Variants in FBXL17 observed in about 807,000 individuals in gnomAD.
FBXL17 encodes F-box and leucine rich repeat protein 17.
A neutral mutation model predicts 66.2 loss-of-function variants in FBXL17; 22 were observed. That is an observed-to-expected ratio of 0.33 (90% CI 0.24 to 0.47). The LOEUF (loss-of-function observed/expected upper bound fraction) is 0.47, where lower values mean the gene tolerates loss of function less well. Ranked by LOEUF, FBXL17 falls within the 20% of genes least tolerant of loss-of-function variation. FBXL17 has a pLI of 1.00. For synonymous variants in FBXL17, 474 were observed against 400.5 expected (o/e 1.18, Z -2.19); for missense variants, 878 against 948.2 (o/e 0.93, Z 0.97).
intron 7 of FBXL17, among the ~76,000 whole-genome samples, 193 bp from the exon 8 acceptor site, chr5:107,881,372 A>AT (rs1381055166): frequency 6.6e-6 from 1 of 152,226 alleles, no homozygotes; most frequent in Non-Finnish European, 1.5e-5. Flanking sequence ...TGCAAAGTGA[A>AT]TAATCATTCC....
At chr5:107,965,949 GTT>G (rs200975379) in intron 7 of FBXL17, among the ~76,000 whole-genome samples, 1 of 151,930 alleles carries the variant, frequency 6.6e-6, no homozygotes, top group African/African-American at 2.4e-5. Flanking sequence ...TCTAGTGACA[GTT>G]TTTTTTCTAT....
chr5:108,129,719 TACCACAATAG>T (rs1750855870), intron 6 of FBXL17, among the ~76,000 whole-genome samples: 1 of 152,004 alleles, frequency 6.6e-6, no homozygotes, highest in African/African-American at 2.4e-5. Flanking sequence ...AGTAATTCAT[TACCACAATAG>T]ATTGCTAAAA....
intron 8 of FBXL17, among the ~76,000 whole-genome samples, chr5:107,876,298 C>A (rs568144893): frequency 6.6e-6 from 1 of 152,120 alleles, no homozygotes; most frequent in Non-Finnish European, 1.5e-5. Context: ...TTTAATGATA[C>A]CCCAGACGCT....
At chr5:107,894,565 A>G (rs1749311121) in intron 7 of FBXL17, among the ~76,000 whole-genome samples, 1 of 152,158 alleles carries the variant, frequency 6.6e-6, no homozygotes, top group African/African-American at 2.4e-5. Context: ...CATGTGTTCC[A>G]AACCTGACTA....
At chr5:107,900,927 A>C (rs186243946) in intron 7 of FBXL17, among the ~76,000 whole-genome samples, 15 of 152,264 alleles carry the variant, frequency 9.9e-5, no homozygotes, top group Non-Finnish European at 1.9e-4. Context: ...AGACAGTATT[A>C]CATTTCAGGG....
chr5:108,183,958 T>C (rs1753117893), intron 6 of FBXL17, among the ~76,000 whole-genome samples: 1 of 152,196 alleles, frequency 6.6e-6, no homozygotes. Context: ...ATACCCATTC[T>C]AGAGGAGTAC....
At chr5:107,866,878 T>C (rs912576022) in intron 8 of FBXL17, among the ~76,000 whole-genome samples, 3 of 152,188 alleles carry the variant, frequency 2.0e-5, no homozygotes, top group Non-Finnish European at 4.4e-5. Context: ...GTTAGTCCTA[T>C]AGGCACTGTC....
At chr5:108,211,639 T>C (rs909653166) in intron 5 of FBXL17, among the ~76,000 whole-genome samples, 14 of 152,248 alleles carry the variant, frequency 9.2e-5, no homozygotes, top group African/African-American at 3.4e-4. Context: ...TCTTTAAGAA[T>C]GTTGAATATT....
At chr5:108,281,033 C>T (rs1018378185) in intron 4 of FBXL17, among the ~76,000 whole-genome samples, 2 of 151,674 alleles carry the variant, frequency 1.3e-5, no homozygotes, top group Non-Finnish European at 3.0e-5. Flanking sequence ...ACAAATATTA[C>T]TAGACCTAAA....
intron 3 of FBXL17, among the ~76,000 whole-genome samples, chr5:108,361,416 C>T (rs1366342568): frequency 6.6e-6 from 1 of 152,068 alleles, no homozygotes; most frequent in African/African-American, 2.4e-5. Context: ...CTTAGCCATA[C>T]CATTCACAAC....
chr5:108,238,496 G>A (rs1002793879), intron 4 of FBXL17, among the ~76,000 whole-genome samples: 1 of 152,088 alleles, frequency 6.6e-6, no homozygotes, highest in African/African-American at 2.4e-5. Flanking sequence ...TCAATGAATT[G>A]TGACTTTTTA....
chr5:107,976,020 G>A (rs977569765), intron 7 of FBXL17, among the ~76,000 whole-genome samples: 3 of 151,814 alleles, frequency 2.0e-5, no homozygotes, highest in Non-Finnish European at 2.9e-5. Context: ...CACCATGCCC[G>A]GCTAATTTTT....
chr5:108,228,241 A>T (rs1755181447), intron 4 of FBXL17, among the ~76,000 whole-genome samples: 1 of 152,190 alleles, frequency 6.6e-6, no homozygotes, highest in African/African-American at 2.4e-5. Context: ...GGAGACTAAT[A>T]AAAGGGCCTT....
chr5:108,169,536 C>T (rs367645965), intron 6 of FBXL17, among the ~76,000 whole-genome samples: 9 of 152,186 alleles, frequency 5.9e-5, no homozygotes, highest in South Asian at 4.1e-4. Flanking sequence ...TGTTATGTTT[C>T]TCCAGCATTT....
intron 6 of FBXL17, among the ~76,000 whole-genome samples, chr5:108,107,230 C>T (rs1749835509): frequency 6.6e-6 from 1 of 152,076 alleles, no homozygotes; most frequent in Non-Finnish European, 1.5e-5. Flanking sequence ...TGCCACCACG[C>T]CTGGCTAAGT....
chr5:108,222,029 T>C (rs1040508515), intron 5 of FBXL17, among the ~76,000 whole-genome samples: 1 of 152,226 alleles, frequency 6.6e-6, no homozygotes, highest in East Asian at 1.9e-4. Context: ...ACAAGTCCAA[T>C]AGATTCTGAT....
In FBXL17 at chr5:108,035,805, ACTCTAC is replaced by A. The variant is rs201337813; in HGVS notation, c.1746-14810_1746-14805del. Among the ~76,000 whole-genome samples the A allele has an allele frequency of 9.7e-3, 1,478 of 152,012 alleles. 23 individuals carry two copies. The highest frequency in any genetic ancestry group is 0.032 in the African/African-American group (1,332 of 41,468). ...TAGAGTTCAGCCAAACACCTAAAGC[ACTCTAC>A]CCTTGAAATCTGAGATATTATTGCC... On this transcript the variant is annotated intron_variant, in intron 6 of 8. Coordinates refer to ENST00000542267, the MANE Select transcript of FBXL17 (RefSeq NM_001163315.3).
At position 108,107,823 on chromosome 5, in the gene FBXL17, AG is replaced by A. The variant is rs869228549; in HGVS notation, c.1745+78293del. Among the ~76,000 whole-genome samples, 47 of 143,264 alleles carry A rather than the reference AG, an allele frequency of 3.3e-4. 5 individuals are homozygous for A. Among genetic ancestry groups the A allele is most frequent in the East Asian group, 6.1e-4 (3 of 4,888 alleles). 94.0% of individuals were successfully genotyped at this position (143,264 alleles called of 152,430 possible). ...CAAGACTCTGTCTCAAAAAAAAAAA[AG>A]AAAAGAAAAAAGAAAAAGAAAAGAG... On this transcript the variant is annotated intron_variant, in intron 6 of 8. Coordinates refer to ENST00000542267, the MANE Select transcript of FBXL17 (RefSeq NM_001163315.3).
intron 5 of FBXL17, among the ~76,000 whole-genome samples, chr5:108,197,081 T>A (rs1321740090): frequency 6.6e-6 from 1 of 151,770 alleles, no homozygotes; most frequent in East Asian, 2.0e-4. Context: ...AGTCTCTAAT[T>A]GAGTTTTTTT....
Sources: allele counts gnomAD v4.1 joint callset (sites outside exome capture counted in the v4.1 genomes callset), GRCh38; gene constraint gnomAD v4.1.1; transcripts MANE v1.5; gene names NCBI Gene and HGNC (gene_info 2026-07-23, HGNC 2026-07-21).